The following DIPK1A variants were observed in gnomAD, a reference collection of about 807,000 sequenced individuals.
The protein encoded by DIPK1A is divergent protein kinase domain 1A.
A neutral mutation model predicts 40.8 loss-of-function variants in DIPK1A; 27 were observed. The ratio of observed to expected loss-of-function variants is 0.66; its 90% CI spans 0.49 to 0.91. The LOEUF is 0.91. DIPK1A is among the 40% of genes least tolerant of loss of function. DIPK1A has a pLI of 0.00. For synonymous variants in DIPK1A, 166 were observed against 171.3 expected, an observed-to-expected ratio of 0.97 and a Z score of 0.24; for missense variants, 412 against 505.7, an observed-to-expected ratio of 0.81 and a Z score of 1.78.
At chr1:92,914,087 A>G (rs1160816286) in intron 1 of DIPK1A, among the ~76,000 whole-genome samples, 1 of 151,942 alleles carries the variant, frequency 6.6e-6, no homozygotes, top group Non-Finnish European at 1.5e-5. Context: ...TCTCTCTGAC[A>G]TCCAATTTGG....
chr1:92,835,326 G>A (rs1198451344), intron 4 of DIPK1A: 1 of 298,022 alleles, frequency 3.4e-6, no homozygotes, highest in Non-Finnish European at 6.6e-6. Context: ...TATTTTGATA[G>A]TATGTACCAA....
intron 2 of DIPK1A, among the ~76,000 whole-genome samples, chr1:92,864,653 G>A (rs1340195687): frequency 6.6e-6 from 1 of 152,004 alleles, no homozygotes; most frequent in East Asian, 1.9e-4. Context: ...AAGTCAAACT[G>A]TAAAATTTCT....
chr1:92,867,268 A>T (rs1217329117), intron 2 of DIPK1A, among the ~76,000 whole-genome samples: 1 of 131,782 alleles, frequency 7.6e-6, no homozygotes, highest in African/African-American at 3.0e-5. Flanking sequence ...GTTGGCCAGG[A>T]TGGTCTTGAT....
chr1:92,838,093 T>C (rs1196950925), downstream of DIPK1A, among the ~76,000 whole-genome samples: 1 of 152,216 alleles, frequency 6.6e-6, no homozygotes, highest in Non-Finnish European at 1.5e-5. Context: ...CCCAAAGTGC[T>C]GGGCTTACAG....
chr1:92,961,310 G>C (rs1652080919), intron 1 of DIPK1A, 66 bp downstream of exon 1: 1 of 1,272,374 alleles, frequency 7.9e-7, no homozygotes, highest in Admixed American at 2.4e-5. Context: ...GGCGAGTCCT[G>C]CGCGGCGCGG....
intron 1 of DIPK1A, among the ~76,000 whole-genome samples, chr1:92,954,403 A>T: frequency 9.6e-6 from 1 of 104,324 alleles, no homozygotes; most frequent in Non-Finnish European, 1.7e-5. Flanking sequence ...TTTGAGACAG[A>T]GTCTCACTCT....
chr1:92,896,646 T>C (rs1194675102), intron 1 of DIPK1A, among the ~76,000 whole-genome samples: 2 of 150,928 alleles, frequency 1.3e-5, no homozygotes, highest in Admixed American at 1.3e-4. Flanking sequence ...AAAGCCAAAA[T>C]TGACAAATGG....
At position 92,842,237 on chromosome 1, in the gene DIPK1A, G is replaced by A; in HGVS notation, c.*1146C>T. 1.0e-6 allele frequency: 1 copy of A among 991,508 alleles called. No individual in the cohort carries two copies. The allele number at this position is 991,508 out of a possible 1,614,324, so 61.4% of individuals were successfully genotyped here. A position where few individuals can be genotyped will look rare whatever the true frequency, so the allele number is the denominator to read the frequency against. On this transcript the variant is annotated 3_prime_UTR_variant, in exon 5 of 5. Coordinates refer to ENST00000370310, the MANE Select transcript of DIPK1A (RefSeq NM_001006605.5). ...GTACCTTAAAGTAAACAAAACTGGT[G>A]CTAATCCATGGCGTTGAAGGAAAGT...
rs142460875 is a variant in DIPK1A at position 92,898,952 on chromosome 1, T to C, written c.55-22522A>G. ...TATTTTGCTTTTTAATGTTTTTGTA[T>C]AGACGGGGGTCACCCTATGTTGCCC... is the stretch of plus-strand genomic sequence containing the variant. On this transcript the variant is annotated intron_variant, in intron 1 of 4. Coordinates refer to ENST00000370310, the MANE Select transcript of DIPK1A (RefSeq NM_001006605.5). 3.9e-3 allele frequency among the ~76,000 whole-genome samples: 591 copies of C among 152,106 alleles called. 4 individuals carry two copies. The highest frequency in any genetic ancestry group is 0.014 in the African/African-American group (570 of 41,484).
intron 2 of DIPK1A, among the ~76,000 whole-genome samples, chr1:92,874,343 T>C (rs1286996738): frequency 6.6e-6 from 1 of 152,230 alleles, no homozygotes; most frequent in African/African-American, 2.4e-5. Flanking sequence ...TACCAGATGA[T>C]GTTAACAGGT....
downstream of DIPK1A, chr1:92,841,744 T>TA: frequency 1.3e-6 from 2 of 1,515,222 alleles, no homozygotes; most frequent in Non-Finnish European, 1.8e-6. Context: ...GTTTAAAAAA[T>TA]ATATATTCCT....
At chr1:92,961,208 A>AG (rs2100932762) in intron 1 of DIPK1A, among the ~76,000 whole-genome samples, 168 bp downstream of exon 1, 1 of 42,752 alleles carries the variant, frequency 2.3e-5, no homozygotes, top group East Asian at 5.2e-4. Context: ...AGAGCCGCTG[A>AG]GGGGGCTGGG....
intron 1 of DIPK1A, among the ~76,000 whole-genome samples, chr1:92,920,135 C>G (rs753653412): frequency 6.6e-6 from 1 of 152,168 alleles, no homozygotes; most frequent in African/African-American, 2.4e-5. Flanking sequence ...TAATTACCAT[C>G]TAATATGATA....
chr1:92,859,983 TAA>T (rs1688112350), intron 2 of DIPK1A, among the ~76,000 whole-genome samples: 1 of 152,218 alleles, frequency 6.6e-6, no homozygotes, highest in African/African-American at 2.4e-5. Flanking sequence ...ATTACAGGCA[TAA>T]GCCACTGCAC....
intron 1 of DIPK1A, among the ~76,000 whole-genome samples, chr1:92,904,902 A>C (rs964708471): frequency 1.3e-5 from 2 of 152,136 alleles, no homozygotes; most frequent in Admixed American, 1.3e-4. Context: ...AGAACATGTG[A>C]AGTTTGTCTT....
chr1:92,926,434 G>A (rs1314962039), intron 1 of DIPK1A, among the ~76,000 whole-genome samples: 7 of 152,034 alleles, frequency 4.6e-5, no homozygotes, highest in Admixed American at 3.3e-4. Context: ...CCCTGGATAT[G>A]GTCTATCTTG....
At chr1:92,939,662 C>T (rs555830896) in intron 1 of DIPK1A, among the ~76,000 whole-genome samples, 5 of 152,210 alleles carry the variant, frequency 3.3e-5, no homozygotes, top group South Asian at 2.1e-4. Flanking sequence ...AGAAAATTTA[C>T]ATTTATCAGG....
chr1:92,839,384 A>G (rs1380644021), downstream of DIPK1A, among the ~76,000 whole-genome samples: 1 of 152,130 alleles, frequency 6.6e-6, no homozygotes, highest in African/African-American at 2.4e-5. Context: ...GCCCAATAAA[A>G]TATCTGATCG....
At chr1:92,837,027 T>C in intron 4 of DIPK1A, 1 of 276,354 alleles carries the variant, frequency 3.6e-6, no homozygotes, top group Non-Finnish European at 7.1e-6. Context: ...GCTTTTATGA[T>C]GTGGAGGTGG....
Sources: allele counts gnomAD v4.1 joint callset (sites outside exome capture counted in the v4.1 genomes callset), GRCh38; gene constraint gnomAD v4.1.1; transcripts MANE v1.5; gene names NCBI Gene and HGNC (gene_info 2026-07-23, HGNC 2026-07-21).